The following FUT8 variants were observed in gnomAD, a reference collection of about 807,000 sequenced individuals.
The protein encoded by FUT8 is fucosyltransferase 8.
In FUT8, 29 loss-of-function variants were observed where a neutral mutation model predicts 71.3. That is an observed-to-expected ratio of 0.41 (90% CI 0.30 to 0.55). FUT8 has a LOEUF of 0.55. Ranked by LOEUF, FUT8 falls within the 20% of genes least tolerant of loss-of-function variation. The probability of loss-of-function intolerance (pLI) is 0.34; values close to 1 mark genes in which losing one functional copy is unlikely to be tolerated. For missense variants in FUT8, 544 were observed against 702.1 expected (o/e 0.77, Z 2.55); for synonymous variants, 254 against 239.3 (o/e 1.06, Z -0.57).
chr14:65,589,417 C>T (rs1051604950), intron 3 of FUT8, among the ~76,000 whole-genome samples: 12 of 147,654 alleles, frequency 8.1e-5, no homozygotes, highest in African/African-American at 3.0e-4. Context: ...TCACCCTTTG[C>T]TTGTCAAGGG....
At chr14:65,503,996 G>A (rs2066686771) in intron 2 of FUT8, among the ~76,000 whole-genome samples, 1 of 152,166 alleles carries the variant, frequency 6.6e-6, no homozygotes, top group African/African-American at 2.4e-5. Context: ...TGCCAAGCTT[G>A]GCTGATTGCC....
chr14:65,631,700 G>A (rs1017395203), intron 6 of FUT8, among the ~76,000 whole-genome samples: 2 of 151,752 alleles, frequency 1.3e-5, no homozygotes, highest in Admixed American at 6.6e-5. Context: ...AAGTGCTTTG[G>A]AAAAATATTT....
chr14:65,724,961 C>A (rs772756780), intron 9 of FUT8, among the ~76,000 whole-genome samples: 15 of 152,048 alleles, frequency 9.9e-5, no homozygotes, highest in Non-Finnish European at 2.1e-4. Context: ...GTTAGGGATT[C>A]AACATAGGAA....
chr14:65,656,548 T>A (rs992002194), intron 6 of FUT8, among the ~76,000 whole-genome samples: 2 of 152,160 alleles, frequency 1.3e-5, no homozygotes, highest in African/African-American at 4.8e-5. Context: ...GTTAAAATGT[T>A]TATACTATCC....
Position 65,660,805 on chromosome 14 carries a change from A to C in FUT8, c.598-8438A>C, listed in dbSNP as rs150255070. On this transcript the variant is annotated intron_variant, in intron 6 of 10. Coordinates refer to ENST00000673929, the MANE Select transcript of FUT8 (RefSeq NM_001371533.1). The surrounding 1 kb of genome is among the most constrained non-coding windows in gnomAD (Gnocchi z 4.1). ...TTTCATGGTTATTAACTGAGTCTTC[A>C]TTTTAATTACCACAATGGAGTACTT... 0.025 allele frequency among the ~76,000 whole-genome samples: 3,862 copies of C among 152,278 alleles called. 69 individuals carry two copies. Among genetic ancestry groups the C allele is most frequent in the Non-Finnish European group, 0.041 (2,796 of 68,004 alleles).
At chr14:65,421,737 C>CCG (rs1359562624) in intron 1 of FUT8, among the ~76,000 whole-genome samples, 2 of 37,828 alleles carry the variant, frequency 5.3e-5, no homozygotes, top group Non-Finnish European at 1.2e-4. Context: ...ACCCTTTAAC[C>CCG]CACCCCCCCC....
At chr14:65,571,815 G>C (rs532869860) in intron 3 of FUT8, among the ~76,000 whole-genome samples, 2 of 151,998 alleles carry the variant, frequency 1.3e-5, no homozygotes, top group Non-Finnish European at 2.9e-5. Flanking sequence ...GGCAACAAAA[G>C]TATTATATCA....
At chr14:65,647,091 C>T (rs1275779416) in intron 6 of FUT8, among the ~76,000 whole-genome samples, 1 of 152,158 alleles carries the variant, frequency 6.6e-6, no homozygotes. Context: ...GTGAAAGGTT[C>T]GCACTGATTT....
At chr14:65,695,616 T>G (rs1486206492) in intron 7 of FUT8, among the ~76,000 whole-genome samples, 2 of 152,272 alleles carry the variant, frequency 1.3e-5, no homozygotes, top group African/African-American at 4.8e-5. Context: ...TTAACCTATG[T>G]GTATATCTTC....
intron 9 of FUT8, among the ~76,000 whole-genome samples, chr14:65,726,866 A>G (rs1895711167): frequency 6.6e-6 from 1 of 152,210 alleles, no homozygotes. Context: ...TCCTAGATAC[A>G]GTGGGGGTAC....
intron 7 of FUT8, among the ~76,000 whole-genome samples, chr14:65,701,324 G>A (rs1157552506): frequency 6.6e-6 from 1 of 152,184 alleles, no homozygotes; most frequent in Non-Finnish European, 1.5e-5. Context: ...GTGCTTTAAT[G>A]TTTAATGGTT....
chr14:65,552,086 T>A (rs1885320681), intron 2 of FUT8, among the ~76,000 whole-genome samples: 2 of 152,164 alleles, frequency 1.3e-5, no homozygotes, highest in African/African-American at 2.4e-5. Context: ...AATTATAGTA[T>A]TATAACTGTG....
At chr14:65,475,547 T>C (rs1327250261) in intron 2 of FUT8, among the ~76,000 whole-genome samples, 2 of 152,106 alleles carry the variant, frequency 1.3e-5, no homozygotes, top group Non-Finnish European at 2.9e-5. Flanking sequence ...GAGACCAGCC[T>C]GGGCAACATA....
intron 5 of FUT8, among the ~76,000 whole-genome samples, chr14:65,623,293 A>C (rs958104466): frequency 2.6e-5 from 4 of 151,952 alleles, no homozygotes; most frequent in African/African-American, 4.8e-5. Flanking sequence ...TTTTTTTTTA[A>C]TAGTTTTATG....
intron 1 of FUT8, among the ~76,000 whole-genome samples, chr14:65,429,058 T>C (rs115449926): frequency 2.8e-4 from 43 of 152,332 alleles, no homozygotes; most frequent in African/African-American, 1.0e-3. Flanking sequence ...TACATGTGTA[T>C]ATGTGTGTGT....
At chr14:65,681,207 T>C (rs573648762) in intron 7 of FUT8, among the ~76,000 whole-genome samples, 1 of 152,240 alleles carries the variant, frequency 6.6e-6, no homozygotes. Flanking sequence ...TGGCCAATAC[T>C]TGTTACTCAG....
chr14:65,609,249 C>T lies in FUT8; in HGVS notation c.204-6729C>T, dbSNP rs191416811. Among the ~76,000 whole-genome samples the T allele has an allele frequency of 1.5e-3, 230 of 150,760 alleles. 1 individual carries two copies. In the East Asian group the frequency reaches 0.023, roughly 15 times the overall value. ...GGTGGAGGTTGCAGTGAGCCAGGAT[C>T]GCGCCACTGCACTCCAGCCTGGGTG... On this transcript the variant is annotated intron_variant, in intron 3 of 10. Transcript: ENST00000673929.
At chr14:65,693,400 G>A (rs550758060) in intron 7 of FUT8, among the ~76,000 whole-genome samples, 137 of 152,284 alleles carry the variant, frequency 9.0e-4, no homozygotes, top group African/African-American at 3.2e-3. Flanking sequence ...GCAGGCACTC[G>A]GCAGGCTGAG....
In FUT8 at chr14:65,638,616, C is replaced by T. The variant is rs1310414659; in HGVS notation, c.597+9010C>T. 6.6e-6 allele frequency among the ~76,000 whole-genome samples: 1 copy of T among 152,036 alleles called. No homozygotes were observed. Among genetic ancestry groups the T allele is most frequent in the Non-Finnish European group, 1.5e-5 (1 of 68,022 alleles). On this transcript the variant is annotated intron_variant, in intron 6 of 10. Coordinates refer to ENST00000673929, the MANE Select transcript of FUT8 (RefSeq NM_001371533.1). This position sits in a 1 kb window ranked among gnomAD's most constrained non-coding sequence, Gnocchi z 4.5. ...AAGGGGAATGTTAATGCTGGGGATA[C>T]ATTATTGAGGCTATTAAACATACAT...
Sources: allele counts gnomAD v4.1 joint callset (sites outside exome capture counted in the v4.1 genomes callset), GRCh38; gene constraint gnomAD v4.1.1; non-coding constraint Gnocchi (gnomAD v3.1); transcripts MANE v1.5; gene names NCBI Gene and HGNC (gene_info 2026-07-23, HGNC 2026-07-21).